INPP4B: variants seen among roughly 807,000 people sequenced by gnomAD.
INPP4B encodes the protein inositol polyphosphate-4-phosphatase type II B, also known as inositol polyphosphate 4-phosphatase type II.
A neutral mutation model predicts 122.5 loss-of-function variants in INPP4B; 55 were observed. The ratio of observed to expected loss-of-function variants is 0.45; its 90% CI spans 0.36 to 0.56. The LOEUF (loss-of-function observed/expected upper bound fraction) is 0.56. INPP4B is among the 20% of genes least tolerant of loss of function. INPP4B has a pLI of 0.00. For missense variants in INPP4B, 1,000 were observed against 1,097.7 expected (o/e 0.91, Z 1.26); for synonymous variants, 403 against 388.7 (o/e 1.04, Z -0.43).
At chr4:142,838,615 G>A (rs1366902092) in intron 1 of INPP4B, among the ~76,000 whole-genome samples, 1 of 151,998 alleles carries the variant, frequency 6.6e-6, no homozygotes, top group Non-Finnish European at 1.5e-5. Context: ...CATATGCTTT[G>A]CTCCCTATAT....
chr4:142,490,697 C>T (rs887745005), intron 2 of INPP4B, among the ~76,000 whole-genome samples: 4 of 152,226 alleles, frequency 2.6e-5, no homozygotes, highest in Non-Finnish European at 4.4e-5. Context: ...ACCAACATTT[C>T]CACAATGCCT....
At chr4:142,393,929 C>A (rs1485093186) in intron 7 of INPP4B, among the ~76,000 whole-genome samples, 3 of 152,216 alleles carry the variant, frequency 2.0e-5, no homozygotes, top group Non-Finnish European at 4.4e-5. Flanking sequence ...CTGCCTGATT[C>A]TGAATCTTTC....
chr4:142,425,708 T>C (rs990887755), intron 5 of INPP4B, among the ~76,000 whole-genome samples: 5 of 152,032 alleles, frequency 3.3e-5, no homozygotes, highest in Non-Finnish European at 7.4e-5. Flanking sequence ...CCAAGTCAAG[T>C]GCCTCTCCCC....
At chr4:142,177,261 GA>G (rs10582712) in intron 15 of INPP4B, among the ~76,000 whole-genome samples, 37,051 of 151,764 alleles carry the variant, frequency 0.24, 4,676 homozygotes, top group South Asian at 0.35. Flanking sequence ...GTATGGTATG[GA>G]AAAAAAAAAT....
chr4:142,542,999 T>A (rs1013966849), intron 2 of INPP4B, among the ~76,000 whole-genome samples: 1 of 152,170 alleles, frequency 6.6e-6, no homozygotes, highest in African/African-American at 2.4e-5. Context: ...CTTAAAGCGG[T>A]ATCTTTCTTA....
rs72363974 is a variant in INPP4B at position 142,537,740 on chromosome 4, AGTGTGTGTGT to A, written c.-190-75024_-190-75015del. Among the ~76,000 whole-genome samples, 523 of 146,884 alleles carry A rather than the reference AGTGTGTGTGT, an allele frequency of 3.6e-3. 5 individuals are homozygous for A. Among genetic ancestry groups the A allele is most frequent in the African/African-American group, 0.01 (416 of 39,806 alleles). ...GTCTGTGAGTATGTATGTGTATATG[AGTGTGTGTGT>A]GTGTGTGTGTGTGTGTGTGTGTGTG... is the stretch of plus-strand genomic sequence containing the variant. On this transcript the variant is annotated intron_variant, in intron 2 of 25. Coordinates refer to ENST00000262992, the MANE Select transcript of INPP4B (RefSeq NM_001101669.3).
At chr4:142,036,186 G>T (rs1017709296) in intron 25 of INPP4B, among the ~76,000 whole-genome samples, 4 of 151,994 alleles carry the variant, frequency 2.6e-5, no homozygotes, top group African/African-American at 7.3e-5. Context: ...TATTGTGGTT[G>T]CTATTATCGT....
At chr4:142,430,809 T>A (rs976783079) in intron 4 of INPP4B, among the ~76,000 whole-genome samples, 6 of 152,080 alleles carry the variant, frequency 3.9e-5, no homozygotes, top group South Asian at 2.1e-4. Context: ...TATAAAAAAA[T>A]TCCCATATAA....
chr4:142,670,876 T>C (rs1201817333), intron 2 of INPP4B, among the ~76,000 whole-genome samples: 1 of 152,156 alleles, frequency 6.6e-6, no homozygotes, highest in Non-Finnish European at 1.5e-5. Flanking sequence ...TCCACAAATA[T>C]GTATATACTT....
chr4:142,260,621 G>T, intron 10 of INPP4B, 57 bp from the exon 11 acceptor site: 1 of 1,168,736 alleles, frequency 8.6e-7, no homozygotes, highest in South Asian at 1.4e-5. Flanking sequence ...AATAAGGAAT[G>T]ATATTATTTT....
intron 10 of INPP4B, among the ~76,000 whole-genome samples, chr4:142,268,061 C>T (rs996410088): frequency 2.0e-5 from 3 of 151,674 alleles, no homozygotes; most frequent in Non-Finnish European, 2.9e-5. Flanking sequence ...CGGAGTCTCA[C>T]GCCTGTAATC....
At chr4:142,205,775 T>C (rs904578079) in intron 14 of INPP4B, among the ~76,000 whole-genome samples, 1 of 152,166 alleles carries the variant, frequency 6.6e-6, no homozygotes, top group African/African-American at 2.4e-5. Context: ...GGCTTTTCAT[T>C]TTGCCTATTA....
chr4:142,716,086 G>A (rs1187254409), intron 2 of INPP4B, among the ~76,000 whole-genome samples: 5 of 152,114 alleles, frequency 3.3e-5, no homozygotes, highest in African/African-American at 1.2e-4. Flanking sequence ...AGATCACATA[G>A]CATTACTTCT....
At chr4:142,054,292 T>C (rs112317691) in intron 25 of INPP4B, among the ~76,000 whole-genome samples, 29 of 152,006 alleles carry the variant, frequency 1.9e-4, no homozygotes, top group African/African-American at 6.5e-4. Flanking sequence ...GAAGTGACTT[T>C]AGCATCTGGA....
intron 1 of INPP4B, among the ~76,000 whole-genome samples, chr4:142,823,054 G>A (rs1780990358): frequency 1.3e-5 from 2 of 152,100 alleles, no homozygotes; most frequent in Admixed American, 1.3e-4. Context: ...TCTGGAGGGT[G>A]ACACACTGGC....
intron 21 of INPP4B, among the ~76,000 whole-genome samples, chr4:142,118,245 A>T (rs142881136): frequency 0.13 from 20,457 of 152,004 alleles, 1,559 homozygotes; most frequent in East Asian, 0.24. Flanking sequence ...TTCAATGCCA[A>T]CCCCATCAAG....
intron 2 of INPP4B, among the ~76,000 whole-genome samples, chr4:142,664,670 C>T (rs1580661601): frequency 6.6e-6 from 1 of 151,556 alleles, no homozygotes; most frequent in East Asian, 1.9e-4. Context: ...GAAAGGAAAG[C>T]ATCAATAGAA....
At chr4:142,190,453 G>A (rs1306137851) in intron 15 of INPP4B, among the ~76,000 whole-genome samples, 3 of 152,140 alleles carry the variant, frequency 2.0e-5, no homozygotes, top group Admixed American at 1.3e-4. Context: ...TTAAGTCTCT[G>A]CTCAAGTCAG....
chr4:142,720,740 A>ATGTATATATACGTATG (rs35459399), intron 2 of INPP4B, among the ~76,000 whole-genome samples: 2 of 36,644 alleles, frequency 5.5e-5, no homozygotes, highest in Non-Finnish European at 1.0e-4. Flanking sequence ...ACATATATAT[A>ATGTATATATACGTATG]TATATATACA....
Sources: allele counts gnomAD v4.1 joint callset (sites outside exome capture counted in the v4.1 genomes callset), GRCh38; gene constraint gnomAD v4.1.1; transcripts MANE v1.5; gene names NCBI Gene and HGNC (gene_info 2026-07-23, HGNC 2026-07-21).